BMP2K: variants seen among roughly 807,000 people sequenced by gnomAD.
BMP2K encodes the protein BMP-2-inducible protein kinase.
Under a neutral mutation model 116.0 loss-of-function variants are expected in BMP2K, and 74 were observed. The observed-to-expected ratio is 0.64, with a 90% CI of 0.53 to 0.77. The LOEUF is 0.77. Ranked by LOEUF, BMP2K falls within the 30% of genes least tolerant of loss-of-function variation. BMP2K has a pLI of 0.00. For synonymous variants in BMP2K, 486 were observed against 502.5 expected (o/e 0.97, Z 0.44); for missense variants, 1,365 against 1,403.6 (o/e 0.97, Z 0.44).
At chr4:78,796,103 G>T (rs185665060) in intron 1 of BMP2K, among the ~76,000 whole-genome samples, 1 of 152,112 alleles carries the variant, frequency 6.6e-6, no homozygotes. Flanking sequence ...TATGTTTATC[G>T]CAGCAGCATT....
chr4:78,879,910 T>C (rs947953539), intron 14 of BMP2K: 2 of 152,234 alleles, frequency 1.3e-5, no homozygotes, highest in African/African-American at 4.8e-5. Flanking sequence ...AAATTGATGA[T>C]TAAATGCAGA....
At position 78,871,869 on chromosome 4, in the gene BMP2K, A is replaced by G; in HGVS notation, c.1529A>G (p.Gln510Arg). 1.2e-6 allele frequency: 2 copies of G among 1,612,992 alleles called. No homozygotes were observed. The highest frequency in any genetic ancestry group is 2.2e-5 in the East Asian group (1 of 44,768). Residue 510 changes from glutamine (Q) to arginine (R), a missense_variant, in exon 12 of 16, where the codon CAG becomes CGG. Physicochemically the swap from Gln to Arg is conservative, Grantham distance 43. Around this residue, in one of 3 missense-constraint regions of BMP2K, gnomAD observed 762 missense variants for 756.7 expected, o/e 1.01. Transcript: ENST00000502613. ...TTGTAGTATCAACATGCAACACAGC[A>G]GCAACAGATGCTTCAACAACAATTT... The part of the protein sequence containing the change: ...YMQQYQHATQ[Q>R]QQMLQQQFLM...
Position 78,911,052 on chromosome 4 carries a change from A to G in BMP2K, c.2505A>G (p.Ile835Met). ...GSGPTQDLNT[I>M]LLTSAQLSSD... is the part of the protein sequence containing the mutation. ...GACCAACCCAAGATCTTAATACAATACTCCTCACCTCAGCCCAATTATCCT... is the reference window on the plus strand; with the variant it reads ...GACCAACCCAAGATCTTAATACAATGCTCCTCACCTCAGCCCAATTATCCT... The change falls in exon 16 of 16, where the codon ATA becomes ATG. Residue 835 changes from isoleucine (I) to methionine (M), a missense_variant. Transcript: ENST00000502613. The G allele has an allele frequency of 6.2e-7, 1 of 1,613,626 alleles. No homozygotes were observed. The highest frequency in any genetic ancestry group is 8.5e-7 in the Non-Finnish European group (1 of 1,179,804).
chr4:78,848,571 T>G (rs1246627755), intron 6 of BMP2K, among the ~76,000 whole-genome samples: 1 of 151,528 alleles, frequency 6.6e-6, no homozygotes, highest in Non-Finnish European at 1.5e-5. Flanking sequence ...CTGAAGCCAT[T>G]GAAGGTTTAC....
rs1731051368 is a variant in BMP2K at position 78,847,229 on chromosome 4, T to G, written c.710T>G (p.Leu237Arg). 1.9e-6 allele frequency: 3 copies of G among 1,590,494 alleles called. No homozygotes were observed. The highest frequency in any genetic ancestry group is 2.6e-6 in the Non-Finnish European group (3 of 1,167,144). The change falls in exon 6 of 16, where the codon CTT (leucine) becomes CGT (arginine). Residue 237 changes from leucine (L) to arginine (R), a missense_variant. Leu to Arg is a moderately radical substitution (Grantham distance 102). Coordinates refer to ENST00000502613, the MANE Select transcript of BMP2K (RefSeq NM_198892.2). ...LSYRAPEMIN[L>R]YGGKPITTKA... ...TACAGAGCCCCTGAAATGATCAACC[T>G]TTATGGAGGGAAACCCATCACCACC...
At chr4:78,829,847 C>CTTCTT (rs1297838840) in intron 2 of BMP2K, among the ~76,000 whole-genome samples, 1 of 135,856 alleles carries the variant, frequency 7.4e-6, no homozygotes, top group Non-Finnish European at 1.6e-5. Flanking sequence ...CTTCTCTTCT[C>CTTCTT]TTCTTTTTTT....
At chr4:78,853,370 C>T (rs1731349394) in intron 7 of BMP2K, among the ~76,000 whole-genome samples, 1 of 152,070 alleles carries the variant, frequency 6.6e-6, no homozygotes, top group Non-Finnish European at 1.5e-5. Flanking sequence ...GACTTTTCTT[C>T]TTAAAAGTAG....
chr4:78,855,266 A>G (rs912064489), intron 7 of BMP2K, among the ~76,000 whole-genome samples: 16 of 152,158 alleles, frequency 1.1e-4, no homozygotes, highest in African/African-American at 3.9e-4. Flanking sequence ...TGCATGAAAT[A>G]TTTATGGTTG....
Position 78,861,407 on chromosome 4 carries a change from G to A in BMP2K, c.1006G>A (p.Ala336Thr). ...TTCCAAGAATTCTTCTATTCCTTCAGCTCTTCCTGAACCGATGACTGCTAG... is the reference window on the plus strand; with the variant it reads ...TTCCAAGAATTCTTCTATTCCTTCAACTCTTCCTGAACCGATGACTGCTAG... ...SNINNSSIPSALPEPMTASEA... is the reference protein window; with the variant it reads ...SNINNSSIPSTLPEPMTASEA... Residue 336 changes from alanine (A) to threonine (T), a missense_variant, in exon 9 of 16, where the codon GCT becomes ACT. Physicochemically the swap from Ala to Thr is moderately conservative, Grantham distance 58. Around this residue, in one of 3 missense-constraint regions of BMP2K, gnomAD observed 762 missense variants for 756.7 expected, o/e 1.01. Coordinates refer to ENST00000502613, the MANE Select transcript of BMP2K (RefSeq NM_198892.2). 1 of 1,603,462 alleles carries A rather than the reference G, an allele frequency of 6.2e-7. No individual in the cohort carries two copies. The highest frequency in any genetic ancestry group is 1.1e-5 in the South Asian group (1 of 89,608).
chr4:78,803,550 T>C (rs1464122671), intron 1 of BMP2K, among the ~76,000 whole-genome samples: 1 of 152,092 alleles, frequency 6.6e-6, no homozygotes, highest in African/African-American at 2.4e-5. Flanking sequence ...TGCACATTTT[T>C]GTATTTTTAG....
chr4:78,909,851 A>T (rs1370264685), intron 15 of BMP2K, among the ~76,000 whole-genome samples: 11 of 152,230 alleles, frequency 7.2e-5, no homozygotes. Flanking sequence ...TAATCAGTGT[A>T]TAGCAAAGTG....
At chr4:78,834,715 T>G (rs563346560) in intron 3 of BMP2K, among the ~76,000 whole-genome samples, 3 of 152,178 alleles carry the variant, frequency 2.0e-5, no homozygotes, top group Non-Finnish European at 4.4e-5. Flanking sequence ...CAGAAACTCT[T>G]ACAGTTTCCT....
At chr4:78,878,969 T>C (rs2110067156) in intron 14 of BMP2K, 78 bp downstream of exon 14, 1 of 1,542,266 alleles carries the variant, frequency 6.5e-7, no homozygotes, top group Non-Finnish European at 8.7e-7. Context: ...CCAAAGACTT[T>C]TGAGAATGTG....
At chr4:78,799,617 G>A (rs573521096) in intron 1 of BMP2K, among the ~76,000 whole-genome samples, 1 of 152,252 alleles carries the variant, frequency 6.6e-6, no homozygotes, top group Non-Finnish European at 1.5e-5. Context: ...TTTTATCTTA[G>A]TATGATTTGG....
chr4:78,907,717 A>G (rs1253572136), intron 15 of BMP2K, among the ~76,000 whole-genome samples: 2 of 152,198 alleles, frequency 1.3e-5, no homozygotes, highest in South Asian at 4.1e-4. Flanking sequence ...GGCAGAATGC[A>G]GAGTGCACCA....
intron 1 of BMP2K, among the ~76,000 whole-genome samples, chr4:78,779,241 A>G (rs988690643): frequency 3.9e-5 from 6 of 152,202 alleles, no homozygotes; most frequent in African/African-American, 1.4e-4. Flanking sequence ...ACCTTGTTTT[A>G]TGTCTGTTGC....
chr4:78,870,005 G>A (rs1732253434), intron 10 of BMP2K, among the ~76,000 whole-genome samples: 1 of 152,142 alleles, frequency 6.6e-6, no homozygotes. Flanking sequence ...TTGAACAGTT[G>A]CATTTGAATG....
chr4:78,845,015 G>C lies in BMP2K; in HGVS notation c.634G>C (p.Asp212His). 6.3e-7 allele frequency: 1 copy of C among 1,588,326 alleles called. No individual in the cohort carries two copies. Among genetic ancestry groups the C allele is most frequent in the South Asian group, 1.1e-5 (1 of 90,044 alleles). Residue 212 changes from aspartate to histidine, a missense_variant, in exon 5 of 16, where the codon GAT (aspartate) becomes CAT (histidine). By Grantham distance (81) the Asp-to-His change is moderately conservative. This residue lies in a region of BMP2K where 762 missense variants were observed against 756.7 expected (regional missense o/e 1.01). Transcript: ENST00000502613. ...ATNKFLNPQK[D>H]GVNVVEEEIK... is the part of the protein sequence containing the mutation. ...TAATAAATTTCTTAATCCTCAAAAA[G>C]ATGGAGTTAATGTAGTAGAAGAAGA...
intron 13 of BMP2K, among the ~76,000 whole-genome samples, chr4:78,875,362 A>C (rs1043836374): frequency 5.3e-5 from 8 of 151,974 alleles, no homozygotes; most frequent in African/African-American, 1.4e-4. Context: ...TCTTTGTTGG[A>C]ATAATTATTT....
Sources: allele counts gnomAD v4.1 joint callset (sites outside exome capture counted in the v4.1 genomes callset), GRCh38; gene constraint gnomAD v4.1.1; regional missense constraint gnomAD v4.1.1; transcripts MANE v1.5; gene names NCBI Gene and HGNC (gene_info 2026-07-23, HGNC 2026-07-21).